Variants in CARF observed in about 807,000 individuals in gnomAD.
The protein encoded by CARF is calcium responsive transcription factor, also known as calcium-responsive transcription factor.
CARF carries 57 observed loss-of-function variants against 82.0 expected under a neutral mutation model. That is an observed-to-expected ratio of 0.70 (90% CI 0.56 to 0.87). The LOEUF (loss-of-function observed/expected upper bound fraction) is 0.87. Ranked by LOEUF, CARF falls within the 40% of genes least tolerant of loss-of-function variation. The probability of loss-of-function intolerance (pLI) is 0.00; values close to 1 mark genes in which losing one functional copy is unlikely to be tolerated. For synonymous variants in CARF, 268 were observed against 290.1 expected (o/e 0.92, Z 0.77); for missense variants, 771 against 855.8 (o/e 0.90, Z 1.24).
intron 3 of CARF, among the ~76,000 whole-genome samples, chr2:202,929,313 C>T (rs879806724): frequency 1.3e-5 from 2 of 152,114 alleles, no homozygotes; most frequent in African/African-American, 4.8e-5. Flanking sequence ...TTTTATAGTT[C>T]CAGGTCTCAC....
intron 11 of CARF, among the ~76,000 whole-genome samples, chr2:202,971,223 T>C (rs2105913189): frequency 6.6e-6 from 1 of 152,244 alleles, no homozygotes; most frequent in East Asian, 1.9e-4. Context: ...TCATATATAC[T>C]TAAAATCCCT....
chr2:202,931,498 C>T (rs970463644), intron 3 of CARF, among the ~76,000 whole-genome samples: 1 of 152,192 alleles, frequency 6.6e-6, no homozygotes, highest in Non-Finnish European at 1.5e-5. Flanking sequence ...TGAGGGTCAG[C>T]TGTATTATGT....
At chr2:202,953,198 T>G (rs1203951290) in intron 6 of CARF, among the ~76,000 whole-genome samples, 2 of 152,054 alleles carry the variant, frequency 1.3e-5, no homozygotes, top group Admixed American at 6.6e-5. Flanking sequence ...ATATTTTTAG[T>G]AGAGACGAGG....
chr2:202,928,247 A>G (rs1692233341), intron 3 of CARF, among the ~76,000 whole-genome samples: 1 of 152,168 alleles, frequency 6.6e-6, no homozygotes, highest in African/African-American at 2.4e-5. Context: ...TGCCTGGCTT[A>G]TTTCTCAAAC....
At chr2:202,939,560 G>T (rs1306190363) in intron 3 of CARF, among the ~76,000 whole-genome samples, 1 of 150,570 alleles carries the variant, frequency 6.6e-6, no homozygotes, top group African/African-American at 2.4e-5. Flanking sequence ...TTAAGTCTTT[G>T]TCATACATTT....
In CARF at chr2:202,982,535, G is replaced by A. The variant is rs148880375; in HGVS notation, c.2059+94G>A. On this transcript the variant is annotated intron_variant, in intron 16 of 16. Coordinates refer to ENST00000438828, the MANE Select transcript of CARF (RefSeq NM_024744.17). ...TAGATAAAACTATTATTTCTACCCA[G>A]TGGGTCTATGATATTATGTAAATGA... 61 of 1,400,748 alleles carry A rather than the reference G, an allele frequency of 4.4e-5. 1 individual carries two copies. The East Asian group carries it at 5.1e-4, about 12-fold the overall frequency. 86.8% of individuals were successfully genotyped at this position (1,400,748 alleles called of 1,614,324 possible).
At chr2:202,972,095 C>T (rs2059811451) in intron 12 of CARF, among the ~76,000 whole-genome samples, 1 of 151,976 alleles carries the variant, frequency 6.6e-6, no homozygotes. Flanking sequence ...GGCCAAGATA[C>T]TATTTGAAAT....
chr2:202,977,372 G>A (rs760893117), intron 14 of CARF, 40 bp downstream of exon 14: 1 of 1,442,894 alleles, frequency 6.9e-7, no homozygotes, highest in East Asian at 2.3e-5. Flanking sequence ...AAATTCAAAT[G>A]GTGTTTAACT....
rs2060390544 is a variant in CARF at position 202,985,064 on chromosome 2, A to T, written c.*1440A>T. On this transcript the variant is annotated 3_prime_UTR_variant, in exon 17 of 17. Coordinates refer to ENST00000438828, the MANE Select transcript of CARF (RefSeq NM_024744.17). ...AGAGAAAAACTCCATCTCAAAAAAA[A>T]AAAAAAGATTGGTAAACTAGAAATA... 2 of 152,118 alleles carry T rather than the reference A, an allele frequency of 1.3e-5. No homozygotes were observed. The highest frequency in any genetic ancestry group is 2.4e-5 in the African/African-American group (1 of 41,434). The allele number at this position is 152,118 out of a possible 1,614,324, so 9.4% of individuals were successfully genotyped here. A position where few individuals can be genotyped will look rare whatever the true frequency, so the allele number is the denominator to read the frequency against.
Position 202,983,634 on chromosome 2 carries a change from G to T in CARF, c.*10G>T. 1 of 1,505,324 alleles carries T rather than the reference G, an allele frequency of 6.6e-7. No homozygotes were observed. The highest frequency in any genetic ancestry group is 1.2e-5 in the South Asian group (1 of 86,462). 93.2% of individuals were successfully genotyped at this position (1,505,324 alleles called of 1,614,324 possible). On this transcript the variant is annotated 3_prime_UTR_variant, in exon 17 of 17. Coordinates refer to ENST00000438828, the MANE Select transcript of CARF (RefSeq NM_024744.17). ...ATTATCTGCTACATAAATTATTGAA[G>T]CTTTTCAGAATTTACAACTCTGGTG...
chr2:202,940,634 C>T (rs2058183942), intron 3 of CARF, among the ~76,000 whole-genome samples: 1 of 152,130 alleles, frequency 6.6e-6, no homozygotes, highest in Non-Finnish European at 1.5e-5. Flanking sequence ...CCAGGTTACA[C>T]TCTTCACCCA....
At position 202,971,650 on chromosome 2, in the gene CARF, T is replaced by C; in HGVS notation, c.1243T>C (p.Ser415Pro). The C allele has an allele frequency of 6.2e-7, 1 of 1,613,658 alleles. No individual in the cohort carries two copies. The highest frequency in any genetic ancestry group is 8.5e-7 in the Non-Finnish European group (1 of 1,179,762). The change falls in exon 12 of 17, where the codon TCA (serine) becomes CCA (proline). Residue 415 changes from serine (S) to proline (P), a missense_variant. Transcript: ENST00000438828. ...AVRDENCALP[S>P]RLHPQVAHKI... ...TAGAGATGAGAATTGTGCATTACCC[T>C]CACGTTTACATCCTCAAGTAGCACA...
intron 12 of CARF, chr2:202,973,548 T>A (rs2059896325): frequency 2.6e-6 from 1 of 383,832 alleles, no homozygotes; most frequent in African/African-American, 2.1e-5. Context: ...TTTACGCACA[T>A]AACCTGGGTA....
intron 10 of CARF, among the ~76,000 whole-genome samples, chr2:202,967,563 A>T (rs141752645): frequency 6.6e-6 from 1 of 152,192 alleles, no homozygotes; most frequent in Non-Finnish European, 1.5e-5. Context: ...AGCTGACTCC[A>T]TAGATGTACA....
chr2:202,964,035 A>G (rs1300522376), intron 9 of CARF, among the ~76,000 whole-genome samples: 2 of 152,082 alleles, frequency 1.3e-5, no homozygotes, highest in African/African-American at 4.8e-5. Flanking sequence ...CCAATTCTTT[A>G]TTAGATAGAT....
At chr2:202,940,126 T>C (rs2058157160) in intron 3 of CARF, among the ~76,000 whole-genome samples, 1 of 152,084 alleles carries the variant, frequency 6.6e-6, no homozygotes, top group Non-Finnish European at 1.5e-5. Flanking sequence ...CTCCACCTCC[T>C]GGGTTTAAGC....
intron 9 of CARF, chr2:202,962,195 A>ATATTTATT (rs1167766066): frequency 1.3e-5 from 2 of 152,194 alleles, no homozygotes; most frequent in Non-Finnish European, 2.9e-5. Context: ...GGTTATTTAT[A>ATATTTATT]TATTTATTTA....
At chr2:202,963,509 GA>G (rs567389762) in intron 9 of CARF, among the ~76,000 whole-genome samples, 121 of 152,302 alleles carry the variant, frequency 7.9e-4, no homozygotes, top group Non-Finnish European at 1.5e-3. Context: ...TGGTTTTGTG[GA>G]AGACAGTTTT....
At chr2:202,972,674 TAAA>T (rs35376227) in intron 12 of CARF, among the ~76,000 whole-genome samples, 37 of 103,016 alleles carry the variant, frequency 3.6e-4, no homozygotes, top group Non-Finnish European at 5.9e-4. Context: ...AGACTCCGTC[TAAA>T]AAAAAAAAAA....
Sources: gnomAD v4.1 joint callset for allele counts (sites outside exome capture counted in the v4.1 genomes callset) on GRCh38, gnomAD v4.1.1 for gene constraint, MANE v1.5 for transcripts, NCBI Gene and HGNC (gene_info 2026-07-23, HGNC 2026-07-21) for gene names.